Variants in PCDH7 observed in about 807,000 individuals in gnomAD.
PCDH7 encodes protocadherin-7.
In PCDH7, 17 loss-of-function variants were observed where a neutral mutation model predicts 58.9. That is an observed-to-expected ratio of 0.29 (90% CI 0.20 to 0.43). The LOEUF (loss-of-function observed/expected upper bound fraction) is 0.43. PCDH7 is among the 20% of genes least tolerant of loss of function. The pLI is 1.00. For synonymous variants in PCDH7, 664 were observed against 616.4 expected, an observed-to-expected ratio of 1.08 and a Z score of -1.14; for missense variants, 1,274 against 1,441.0, an observed-to-expected ratio of 0.88 and a Z score of 1.88.
At chr4:31,060,884 C>A (rs1757638355) in intron 3 of PCDH7, among the ~76,000 whole-genome samples, 1 of 151,618 alleles carries the variant, frequency 6.6e-6, no homozygotes, top group Non-Finnish European at 1.5e-5. Flanking sequence ...ACATAACATG[C>A]ATCTATTTTT....
At chr4:30,792,355 A>G (rs149288757) in intron 1 of PCDH7, among the ~76,000 whole-genome samples, 2 of 151,458 alleles carry the variant, frequency 1.3e-5, no homozygotes, top group African/African-American at 2.4e-5. Context: ...AGAAAGTTAT[A>G]TTTTGACTTC....
intron 3 of PCDH7, among the ~76,000 whole-genome samples, chr4:30,993,951 A>G (rs1164356849): frequency 6.6e-6 from 1 of 152,146 alleles, no homozygotes; most frequent in African/African-American, 2.4e-5. Flanking sequence ...CAGAAAGGGA[A>G]AAAAATGCTA....
intron 1 of PCDH7, among the ~76,000 whole-genome samples, chr4:30,899,234 C>A (rs1344811810): frequency 2.0e-5 from 3 of 152,210 alleles, no homozygotes; most frequent in Admixed American, 1.3e-4. Context: ...CTAAAATATT[C>A]CTATCCTGCT....
chr4:30,926,891 A>C (rs1743941204), intron 2 of PCDH7, among the ~76,000 whole-genome samples: 1 of 152,230 alleles, frequency 6.6e-6, no homozygotes, highest in African/African-American at 2.4e-5. Context: ...AGGGAAAATT[A>C]GCTGAAAATA....
At chr4:30,809,066 G>A (rs1056910755) in intron 1 of PCDH7, among the ~76,000 whole-genome samples, 1 of 152,162 alleles carries the variant, frequency 6.6e-6, no homozygotes, top group Non-Finnish European at 1.5e-5. Context: ...AGATACAAAT[G>A]TATCTGGCAA....
chr4:31,126,416 T>G (rs1309921367), intron 3 of PCDH7, among the ~76,000 whole-genome samples: 2 of 152,232 alleles, frequency 1.3e-5, no homozygotes, highest in East Asian at 3.9e-4. Context: ...CACCTCAGCC[T>G]CTCAAGGTGC....
chr4:30,776,840 A>C (rs1046221604), intron 1 of PCDH7, among the ~76,000 whole-genome samples: 1 of 142,336 alleles, frequency 7.0e-6, no homozygotes, highest in Non-Finnish European at 1.5e-5. Context: ...CAGAAATATG[A>C]TTATAATTTT....
At position 30,721,982 on chromosome 4, in the gene PCDH7, G is replaced by A. The variant is rs939778644; in HGVS notation, c.560G>A (p.Gly187Glu). 2 of 1,336,664 alleles carry A rather than the reference G, an allele frequency of 1.5e-6. No individual in the cohort carries two copies. The highest frequency in any genetic ancestry group is 1.9e-6 in the Non-Finnish European group (2 of 1,045,290). The allele number at this position is 1,336,664 out of a possible 1,614,324, so 82.8% of individuals were successfully genotyped here. A position where few individuals can be genotyped will look rare whatever the true frequency, so the allele number is the denominator to read the frequency against. ...CGCTACGAGCTGCTCCAGGAGCCCGGAGGCGGCGGCAGCGGCGGCGAGAGC... is the reference window on the plus strand; with the variant it reads ...CGCTACGAGCTGCTCCAGGAGCCCGAAGGCGGCGGCAGCGGCGGCGAGAGC... Residue 187 changes from glycine (G) to glutamate (E), a missense_variant, in exon 1 of 2, where the codon GGA becomes GAA. Coordinates refer to ENST00000361762, the Ensembl canonical transcript of PCDH7. The surrounding 1 kb of genome is among the most constrained non-coding windows in gnomAD (Gnocchi z 6.7).
chr4:31,015,955 T>G (rs1753572086), intron 3 of PCDH7, among the ~76,000 whole-genome samples: 1 of 152,206 alleles, frequency 6.6e-6, no homozygotes, highest in Non-Finnish European at 1.5e-5. Flanking sequence ...TTTCACAGAT[T>G]AATTTTATGG....
intron 1 of PCDH7, among the ~76,000 whole-genome samples, chr4:30,830,462 T>TA (rs1006441222): frequency 3.9e-5 from 6 of 152,068 alleles, no homozygotes; most frequent in African/African-American, 1.2e-4. Flanking sequence ...TATTTTAGAC[T>TA]AAAAAAAGAT....
chr4:30,789,765 G>C (rs1435584340), intron 1 of PCDH7, among the ~76,000 whole-genome samples: 1 of 152,116 alleles, frequency 6.6e-6, no homozygotes, highest in Non-Finnish European at 1.5e-5. Flanking sequence ...CCGAGATAAG[G>C]AAATCTAATT....
At chr4:30,934,734 G>A (rs1387992522) in intron 2 of PCDH7, among the ~76,000 whole-genome samples, 3 of 151,940 alleles carry the variant, frequency 2.0e-5, no homozygotes, top group Non-Finnish European at 2.9e-5. Context: ...GATACCTTCT[G>A]GAAGAGTCTA....
At chr4:30,747,268 C>T (rs749520460) in intron 1 of PCDH7, among the ~76,000 whole-genome samples, 2 of 152,184 alleles carry the variant, frequency 1.3e-5, no homozygotes, top group Non-Finnish European at 2.9e-5. Flanking sequence ...GCTAATGCGT[C>T]TAATTATAAT....
chr4:31,086,439 A>G (rs541067322), intron 3 of PCDH7, among the ~76,000 whole-genome samples: 1 of 152,254 alleles, frequency 6.6e-6, no homozygotes, highest in South Asian at 2.1e-4. Flanking sequence ...CATTATATAT[A>G]CAGATGTATT....
Position 30,722,599 on chromosome 4 carries a change from C to A in PCDH7, c.1177C>A (p.Pro393Thr), listed in dbSNP as rs764741351. 12 of 1,613,088 alleles carry A rather than the reference C, an allele frequency of 7.4e-6. No individual in the cohort carries two copies. Among genetic ancestry groups the A allele is most frequent in the East Asian group, 2.2e-5 (1 of 44,848 alleles). ...GGTCATGGCCCGCGACCGCGGGCAG[C>A]CCCCCAAGACCGACAAGGCCACCGT... The change falls in exon 1 of 2, where the codon CCC (proline) becomes ACC (threonine). Residue 393 changes from proline to threonine, a missense_variant. Physicochemically the swap from Pro to Thr is conservative, Grantham distance 38. Transcript: ENST00000361762. The surrounding 1 kb of genome is among the most constrained non-coding windows in gnomAD (Gnocchi z 7.6).
intron 3 of PCDH7, among the ~76,000 whole-genome samples, chr4:30,968,413 TA>T (rs1749245291): frequency 1.6e-5 from 1 of 64,336 alleles, no homozygotes; most frequent in Non-Finnish European, 3.0e-5. Context: ...TATATATATA[TA>T]TGGGATATTA....
At position 30,864,432 on chromosome 4, in the gene PCDH7, AACACACACAC is replaced by A. The variant is rs5857208; in HGVS notation, c.71-55693_71-55684del. ...ATCTTAGAAAGAAAAATTATTGGAG[AACACACACAC>A]ACACACACACACACACACACACACA... On this transcript the variant is annotated intron_variant, in intron 1 of 3. Coordinates refer to the PCDH7 transcript ENST00000509759. Among the ~76,000 whole-genome samples the A allele has an allele frequency of 2.4e-3, 355 of 146,668 alleles. 4 individuals are homozygous for A. Among genetic ancestry groups the A allele is most frequent in the African/African-American group, 8.2e-3 (329 of 39,900 alleles).
intron 3 of PCDH7, among the ~76,000 whole-genome samples, chr4:31,062,722 G>A (rs537052257): frequency 2.0e-5 from 3 of 151,830 alleles, no homozygotes; most frequent in Non-Finnish European, 4.4e-5. Context: ...ATGCCACAGG[G>A]CCATACAAAA....
intron 1 of PCDH7, among the ~76,000 whole-genome samples, chr4:30,899,440 A>C (rs551163090): frequency 6.6e-6 from 1 of 152,262 alleles, no homozygotes; most frequent in Admixed American, 6.5e-5. Context: ...AGCTCCTTAA[A>C]GCTGTGCTAC....
Sources: allele counts gnomAD v4.1 joint callset (sites outside exome capture counted in the v4.1 genomes callset), GRCh38; gene constraint gnomAD v4.1.1; non-coding constraint Gnocchi (gnomAD v3.1); transcripts MANE v1.5; gene names NCBI Gene and HGNC (gene_info 2026-07-23, HGNC 2026-07-21).